Variants in IDH3A observed in about 807,000 individuals in gnomAD.
The protein encoded by IDH3A is isocitrate dehydrogenase [NAD] subunit alpha, mitochondrial.
Under a neutral mutation model 43.3 loss-of-function variants are expected in IDH3A, and 23 were observed. The ratio of observed to expected loss-of-function variants is 0.53; its 90% confidence interval spans 0.38 to 0.75. IDH3A has a LOEUF of 0.75. Among genes scored for constraint, IDH3A ranks in the 30% least tolerant of loss-of-function variants. The pLI, the probability that IDH3A is intolerant of heterozygous loss-of-function variation, is 0.00. For missense variants in IDH3A, 329 were observed against 474.4 expected, an observed-to-expected ratio of 0.69 and a Z score of 2.85; for synonymous variants, 154 against 163.5, an observed-to-expected ratio of 0.94 and a Z score of 0.44.
In IDH3A at chr15:78,154,416, A is replaced by G. The variant is rs188956235; in HGVS notation, c.28-797A>G. The G allele has an allele frequency of 1.8e-4, 28 of 152,340 alleles. No homozygotes were observed. In the East Asian group the frequency reaches 4.8e-3, roughly 26 times the overall value. 9.4% of individuals were successfully genotyped at this position (152,340 alleles called of 1,614,324 possible). On this transcript the variant is annotated intron_variant, in intron 1 of 10. Coordinates refer to ENST00000299518, the MANE Select transcript of IDH3A (RefSeq NM_005530.3). ...TTTCTTAGATTTTACTATAAAGTGT[A>G]ATTTCTTAATATTCACAGAATAGAT...
rs760693183 is a variant in IDH3A at position 78,155,219 on chromosome 15, C to T, written c.34C>T (p.Arg12Trp). ...TCTGTTGATATTAATATAGGTCTCT[C>T]GGCTGCTGGGGGCATTCCACAACCC... ...AGPAWISKVS[R>W]LLGAFHNPKQ... The change falls in exon 2 of 11, where the codon CGG (arginine) becomes TGG (tryptophan). Residue 12 changes from arginine (R) to tryptophan (W), a missense_variant. Arg to Trp is a moderately radical substitution (Grantham distance 101). This residue lies in a region of IDH3A where 26 missense variants were observed against 17.2 expected (regional missense o/e 1.51). Coordinates refer to ENST00000299518, the MANE Select transcript of IDH3A (RefSeq NM_005530.3). 14 of 1,610,422 alleles carry T rather than the reference C, an allele frequency of 8.7e-6. No individual in the cohort carries two copies. The highest frequency in any genetic ancestry group is 6.7e-5 in the East Asian group (3 of 44,870).
At chr15:78,150,049 G>C (rs900085684) in intron 1 of IDH3A, among the ~76,000 whole-genome samples, 1 of 152,234 alleles carries the variant, frequency 6.6e-6, no homozygotes, top group African/African-American at 2.4e-5. Context: ...CATAGGATAG[G>C]GCATCTTACA....
At chr15:78,166,393 T>G (rs1413874043) in intron 10 of IDH3A, 91 bp downstream of exon 10, 1 of 1,329,692 alleles carries the variant, frequency 7.5e-7, no homozygotes, top group Non-Finnish European at 1.1e-6. Context: ...AGATAATAGT[T>G]CTCAGGCGGG....
In IDH3A at chr15:78,170,924, A is replaced by G. The variant is rs1338407531; in HGVS notation, c.*1919A>G. ...ACAGGCAGCAGCAGTTTTATTAAGC[A>G]TCAAGTCAGTTGGCATGTGGGTGGC... is the stretch of plus-strand genomic sequence containing the variant. On this transcript the variant is annotated 3_prime_UTR_variant, in exon 11 of 11. Coordinates refer to ENST00000299518, the MANE Select transcript of IDH3A (RefSeq NM_005530.3). 1 of 153,180 alleles carries G rather than the reference A, an allele frequency of 6.5e-6. No homozygotes were observed. Among genetic ancestry groups the G allele is most frequent in the East Asian group, 1.9e-4 (1 of 5,212 alleles). 9.5% of individuals were successfully genotyped at this position (153,180 alleles called of 1,614,324 possible).
Position 78,157,636 on chromosome 15 carries a change from G to A in IDH3A, c.174+5G>A. The A allele has an allele frequency of 2.5e-6, 4 of 1,602,558 alleles. No homozygotes were observed. The highest frequency in any genetic ancestry group is 1.7e-5 in the Admixed American group (1 of 59,282). ...AAGATTTTTGATGCTGCCAAAGTAA[G>A]TGGGCTTAAAAAATACATTTAATGA... On this transcript the variant is annotated splice_donor_5th_base_variant and intron_variant, in intron 3 of 10. Coordinates refer to ENST00000299518, the MANE Select transcript of IDH3A (RefSeq NM_005530.3).
At position 78,160,223 on chromosome 15, in the gene IDH3A, G is replaced by C; in HGVS notation, c.289+17G>C. 6.9e-7 allele frequency: 1 copy of C among 1,444,126 alleles called. No homozygotes were observed. Among genetic ancestry groups the C allele is most frequent in the Non-Finnish European group, 9.8e-7 (1 of 1,025,124 alleles). 89.5% of individuals were successfully genotyped at this position (1,444,126 alleles called of 1,614,324 possible). On this transcript the variant is annotated intron_variant, in intron 4 of 10. Transcript: ENST00000299518. ...GCTTGAAAGGTAGCACTGAAGTAGA[G>C]ACGGGGGTTTTTACAGATTTCCGCT...
At chr15:78,166,438 G>A (rs1439530645) in intron 10 of IDH3A, 136 bp downstream of exon 10, 33 of 859,474 alleles carry the variant, frequency 3.8e-5, no homozygotes, top group African/African-American at 5.0e-5. Flanking sequence ...GATTCTTAAC[G>A]TGGGTCCCAG....
chr15:78,150,272 A>G (rs2074563128), intron 1 of IDH3A, among the ~76,000 whole-genome samples: 1 of 152,214 alleles, frequency 6.6e-6, no homozygotes, highest in East Asian at 1.9e-4. Context: ...AAGGTCACAC[A>G]GGAGGTCGGT....
intron 6 of IDH3A, 79 bp from the exon 7 acceptor site, chr15:78,163,428 A>G: frequency 1.0e-6 from 1 of 996,542 alleles, no homozygotes; most frequent in Non-Finnish European, 1.5e-6. Flanking sequence ...AATGTCTTGA[A>G]CTTACTTTAC....
intron 6 of IDH3A, among the ~76,000 whole-genome samples, chr15:78,163,127 T>C (rs1191433835): frequency 6.6e-6 from 1 of 152,170 alleles, no homozygotes; most frequent in Non-Finnish European, 1.5e-5. Flanking sequence ...CTGAATATAT[T>C]AACAGTTTTC....
chr15:78,163,983 G>T (rs1475317552), intron 8 of IDH3A, among the ~76,000 whole-genome samples: 1 of 152,124 alleles, frequency 6.6e-6, no homozygotes, highest in Non-Finnish European at 1.5e-5. Context: ...CCAAATCATT[G>T]CTGGGCTCTT....
At position 78,161,071 on chromosome 15, in the gene IDH3A, A is replaced by G. The variant is rs1045354757; in HGVS notation, c.290-510A>G. On this transcript the variant is annotated intron_variant, in intron 4 of 10. Transcript: ENST00000299518. The surrounding 1 kb of genome is among the most constrained non-coding windows in gnomAD (Gnocchi z 4.8). ...TAATTTTTGTATTTTTAGTAGAGACAGGGTTTCCCCATGTTGGCCAGGCTG... is the reference window on the plus strand; with the variant it reads ...TAATTTTTGTATTTTTAGTAGAGACGGGGTTTCCCCATGTTGGCCAGGCTG... 2.0e-5 allele frequency among the ~76,000 whole-genome samples: 3 copies of G among 151,702 alleles called. No homozygotes were observed. The highest frequency in any genetic ancestry group is 7.3e-5 in the African/African-American group (3 of 41,298).
intron 5 of IDH3A, 57 bp from the exon 6 acceptor site, chr15:78,162,177 C>G: frequency 6.2e-7 from 1 of 1,601,970 alleles, no homozygotes; most frequent in Non-Finnish European, 8.5e-7. Flanking sequence ...CACCCTCTGT[C>G]TCCCACTGCG....
chr15:78,169,569 G>C lies in IDH3A; in HGVS notation c.*564G>C, dbSNP rs530591465. On this transcript the variant is annotated 3_prime_UTR_variant, in exon 11 of 11. Coordinates refer to ENST00000299518, the MANE Select transcript of IDH3A (RefSeq NM_005530.3). ...AATAGAGACAGATTTGTCCTTTACA[G>C]AAATTACTGAGTGTGAATAAAAACT... 6.6e-6 allele frequency: 1 copy of C among 152,180 alleles called. No homozygotes were observed. Among genetic ancestry groups the C allele is most frequent in the Non-Finnish European group, 1.5e-5 (1 of 68,030 alleles). 9.4% of individuals were successfully genotyped at this position (152,180 alleles called of 1,614,324 possible).
chr15:78,166,772 C>T (rs1054160776), intron 10 of IDH3A, among the ~76,000 whole-genome samples: 6 of 152,318 alleles, frequency 3.9e-5, no homozygotes, highest in Middle Eastern at 3.4e-3. Flanking sequence ...GCTGGGATTA[C>T]AGGCGTGTGC....
rs1319709715 is a variant in IDH3A at position 78,161,599 on chromosome 15, T to C, written c.308T>C (p.Ile103Thr). ...ATAACAGGCCCTTTGAAGACCCCAA[T>C]AGCAGCCGGTCACCCATCTATGAAT... Reference protein sequence around the residue: ...MGLKGPLKTPIAAGHPSMNLL... With the variant: ...MGLKGPLKTPTAAGHPSMNLL... The change falls in exon 5 of 11, where the codon ATA (isoleucine) becomes ACA (threonine). Residue 103 changes from isoleucine to threonine, a missense_variant. Coordinates refer to ENST00000299518, the MANE Select transcript of IDH3A (RefSeq NM_005530.3). This position sits in a 1 kb window ranked among gnomAD's most constrained non-coding sequence, Gnocchi z 4.8. 2.5e-6 allele frequency: 4 copies of C among 1,613,566 alleles called. No homozygotes were observed. Among genetic ancestry groups the C allele is most frequent in the African/African-American group, 2.7e-5 (2 of 74,924 alleles).
In IDH3A at chr15:78,161,600, A is replaced by G. The variant is rs1231177838; in HGVS notation, c.309A>G (p.Ile103Met). The change falls in exon 5 of 11, where the codon ATA becomes ATG. Residue 103 changes from isoleucine (I) to methionine (M), a missense_variant. By Grantham distance (10) the Ile-to-Met change is conservative (BLOSUM62 1). This residue lies in a region of IDH3A where 212 missense variants were observed against 345.5 expected (regional missense o/e 0.61). Transcript: ENST00000299518. This position sits in a 1 kb window ranked among gnomAD's most constrained non-coding sequence, Gnocchi z 4.8. Reference protein sequence around the residue: ...MGLKGPLKTPIAAGHPSMNLL... With the variant: ...MGLKGPLKTPMAAGHPSMNLL... ...TAACAGGCCCTTTGAAGACCCCAAT[A>G]GCAGCCGGTCACCCATCTATGAATT... is the stretch of plus-strand genomic sequence containing the variant. 6.2e-7 allele frequency: 1 copy of G among 1,613,732 alleles called. No homozygotes were observed. Among genetic ancestry groups the G allele is most frequent in the Non-Finnish European group, 8.5e-7 (1 of 1,180,004 alleles).
At chr15:78,149,451 G>A (rs1192555122) in intron 1 of IDH3A, 21 bp downstream of exon 1, 12 of 1,533,096 alleles carry the variant, frequency 7.8e-6, no homozygotes, top group Non-Finnish European at 1.0e-5. Context: ...GCAGGCCGGC[G>A]TGTGGCAGGC....
Position 78,166,201 on chromosome 15 carries a change from G to T in IDH3A, c.916G>T (p.Ala306Ser). The T allele has an allele frequency of 5.0e-6, 8 of 1,614,164 alleles. No homozygotes were observed. The highest frequency in any genetic ancestry group is 5.9e-6 in the Non-Finnish European group (7 of 1,179,992). ...IAGKDMANPT[A>S]LLLSAVMMLR... is the part of the protein sequence containing the mutation. ...AGGCAAGGACATGGCGAATCCCACAGCCCTCCTGCTCAGTGCCGTGATGAT... is the reference window on the plus strand; with the variant it reads ...AGGCAAGGACATGGCGAATCCCACATCCCTCCTGCTCAGTGCCGTGATGAT... Residue 306 changes from alanine to serine, a missense_variant, in exon 10 of 11, where the codon GCC (alanine) becomes TCC (serine). This residue lies in a region of IDH3A where 91 missense variants were observed against 111.6 expected (regional missense o/e 0.82). Transcript: ENST00000299518.
Sources: gnomAD v4.1 joint callset for allele counts (sites outside exome capture counted in the v4.1 genomes callset) on GRCh38, gnomAD v4.1.1 for gene constraint, gnomAD v4.1.1 regional missense constraint, Gnocchi (gnomAD v3.1) non-coding constraint, MANE v1.5 for transcripts, NCBI Gene and HGNC (gene_info 2026-07-23, HGNC 2026-07-21) for gene names.